Variants in DPP10 observed in about 807,000 individuals in gnomAD.
DPP10 encodes dipeptidyl peptidase like 10.
DPP10 carries 33 observed loss-of-function variants against 120.9 expected under a neutral mutation model. The ratio of observed to expected loss-of-function variants is 0.27; its 90% CI spans 0.21 to 0.37. DPP10 has a LOEUF of 0.37. Ranked by LOEUF, DPP10 falls within the 10% of genes least tolerant of loss-of-function variation. DPP10 has a pLI of 1.00. For synonymous variants in DPP10, 337 were observed against 326.1 expected (o/e 1.03, Z -0.36); for missense variants, 816 against 942.8 (o/e 0.87, Z 1.76).
intron 1 of DPP10, among the ~76,000 whole-genome samples, chr2:114,638,187 T>A (rs948261077): frequency 6.6e-6 from 1 of 151,834 alleles, no homozygotes; most frequent in Admixed American, 6.6e-5. Context: ...CTTGTAGAGA[T>A]CCTTCATCTC....
At chr2:115,804,104 A>C (rs1685613384) in intron 19 of DPP10, among the ~76,000 whole-genome samples, 1 of 152,072 alleles carries the variant, frequency 6.6e-6, no homozygotes, top group South Asian at 2.1e-4. Flanking sequence ...ACATAGTCCC[A>C]TATTTCTTGG....
At chr2:114,518,069 ATTTTT>A (rs751351962) in intron 1 of DPP10, among the ~76,000 whole-genome samples, 2 of 54,138 alleles carry the variant, frequency 3.7e-5, no homozygotes, top group Admixed American at 2.6e-4. Context: ...TGAGCTATTC[ATTTTT>A]TTTTTTTTTT....
At chr2:115,236,529 C>A (rs2058016825) in intron 1 of DPP10, among the ~76,000 whole-genome samples, 1 of 152,138 alleles carries the variant, frequency 6.6e-6, no homozygotes, top group African/African-American at 2.4e-5. Context: ...CTTTCTTTTT[C>A]TATGGCAAAC....
intron 1 of DPP10, among the ~76,000 whole-genome samples, chr2:115,041,267 A>G (rs758313467): frequency 7.9e-5 from 12 of 152,176 alleles, no homozygotes; most frequent in Non-Finnish European, 1.3e-4. Flanking sequence ...ATGAACTAAT[A>G]CACCTGGCGA....
intron 1 of DPP10, among the ~76,000 whole-genome samples, chr2:114,757,218 G>A (rs1463552248): frequency 6.8e-6 from 1 of 147,366 alleles, no homozygotes; most frequent in Non-Finnish European, 1.5e-5. Context: ...TGGGCAGGAG[G>A]AAGGGTGGGG....
At chr2:115,015,973 T>A (rs999111388) in intron 1 of DPP10, among the ~76,000 whole-genome samples, 1 of 152,158 alleles carries the variant, frequency 6.6e-6, no homozygotes, top group Non-Finnish European at 1.5e-5. Flanking sequence ...TACCATTGAC[T>A]TATTTCATAG....
At chr2:115,452,735 T>C (rs1243924174) in intron 3 of DPP10, among the ~76,000 whole-genome samples, 1 of 151,990 alleles carries the variant, frequency 6.6e-6, no homozygotes, top group South Asian at 2.1e-4. Context: ...TACCCAACTT[T>C]CTCTATGACA....
intron 1 of DPP10, among the ~76,000 whole-genome samples, chr2:114,997,526 C>T (rs181410542): frequency 1.3e-5 from 2 of 148,752 alleles, no homozygotes; most frequent in African/African-American, 4.9e-5. Context: ...AAAATTCATA[C>T]ATGGAATGCC....
chr2:115,382,152 C>G (rs1347652078), intron 3 of DPP10, among the ~76,000 whole-genome samples: 1 of 152,282 alleles, frequency 6.6e-6, no homozygotes, highest in East Asian at 1.9e-4. Context: ...CGCCCCTCCC[C>G]CAGCCTCACT....
intron 1 of DPP10, among the ~76,000 whole-genome samples, chr2:114,965,861 G>A (rs1265337028): frequency 6.7e-6 from 1 of 149,284 alleles, no homozygotes; most frequent in Non-Finnish European, 1.5e-5. Context: ...AGCTACTCAG[G>A]AGGCTGAGGC....
chr2:115,736,732 A>G (rs1676560053), intron 8 of DPP10, among the ~76,000 whole-genome samples: 1 of 152,170 alleles, frequency 6.6e-6, no homozygotes, highest in Non-Finnish European at 1.5e-5. Context: ...CTGAGAAGTG[A>G]TCCTATGTCA....
intron 1 of DPP10, among the ~76,000 whole-genome samples, chr2:114,918,713 A>G (rs1383991829): frequency 6.6e-6 from 1 of 152,200 alleles, no homozygotes; most frequent in East Asian, 1.9e-4. Flanking sequence ...CAAATACTGC[A>G]TGTTCTCACT....
chr2:115,378,731 A>G (rs1174392708), intron 3 of DPP10, among the ~76,000 whole-genome samples: 2 of 152,114 alleles, frequency 1.3e-5, no homozygotes, highest in East Asian at 1.9e-4. Context: ...CATCCCATCA[A>G]TCCCTAATTT....
intron 1 of DPP10, chr2:115,162,238 G>A (rs533542037): frequency 1.3e-6 from 2 of 1,561,706 alleles, no homozygotes; most frequent in Admixed American, 1.9e-5. Flanking sequence ...GAGAGGATGC[G>A]CAAGGTGGAG....
At chr2:114,947,890 A>G (rs550994922) in intron 1 of DPP10, among the ~76,000 whole-genome samples, 1 of 152,072 alleles carries the variant, frequency 6.6e-6, no homozygotes, top group African/African-American at 2.4e-5. Context: ...TATTGAATGT[A>G]ATTTGATATG....
At chr2:115,284,052 C>G (rs1327062698) in intron 1 of DPP10, among the ~76,000 whole-genome samples, 1 of 151,948 alleles carries the variant, frequency 6.6e-6, no homozygotes, top group African/African-American at 2.4e-5. Flanking sequence ...CAATATATAA[C>G]TATACATATG....
intron 1 of DPP10, among the ~76,000 whole-genome samples, chr2:114,768,176 G>C (rs1265201719): frequency 1.5e-5 from 2 of 135,812 alleles, no homozygotes; most frequent in Non-Finnish European, 3.2e-5. Context: ...AATCAATCCA[G>C]AATTATATAC....
At chr2:115,781,027 AT>A in intron 16 of DPP10, 32 bp downstream of exon 16, 1 of 1,497,866 alleles carries the variant, frequency 6.7e-7, no homozygotes, top group African/African-American at 1.4e-5. Context: ...GATATAATAT[AT>A]TTTATTCATT....
chr2:114,493,508 A>G (rs1682185964), intron 1 of DPP10, among the ~76,000 whole-genome samples: 1 of 152,094 alleles, frequency 6.6e-6, no homozygotes, highest in Non-Finnish European at 1.5e-5. Flanking sequence ...CAGAAAGATA[A>G]GGGTACTTGC....
Sources: allele counts gnomAD v4.1 joint callset (sites outside exome capture counted in the v4.1 genomes callset), GRCh38; gene constraint gnomAD v4.1.1; transcripts MANE v1.5; gene names NCBI Gene and HGNC (gene_info 2026-07-23, HGNC 2026-07-21).